Variants in PLPP4 observed in about 807,000 individuals in gnomAD.
PLPP4 encodes the protein diacylglycerol pyrophosphate like 2.
A neutral mutation model predicts 32.2 loss-of-function variants in PLPP4; 20 were observed. The ratio of observed to expected loss-of-function variants is 0.62; its 90% confidence interval spans 0.44 to 0.90. PLPP4 has a LOEUF of 0.90. Among genes scored for constraint, PLPP4 ranks in the 40% least tolerant of loss-of-function variants. The pLI, the probability that PLPP4 is intolerant of heterozygous loss-of-function variation, is 0.00. For missense variants in PLPP4, 257 were observed against 353.1 expected (o/e 0.73, Z 2.18); for synonymous variants, 127 against 133.0 (o/e 0.95, Z 0.31).
intron 5 of PLPP4, among the ~76,000 whole-genome samples, chr10:120,558,008 T>C (rs1340579755): frequency 2.0e-5 from 3 of 151,188 alleles, no homozygotes; most frequent in Non-Finnish European, 4.4e-5. Flanking sequence ...TTAAATATTA[T>C]ATTTACTATT....
intron 3 of PLPP4, among the ~76,000 whole-genome samples, chr10:120,514,644 C>A (rs750373819): frequency 6.6e-6 from 1 of 152,130 alleles, no homozygotes; most frequent in African/African-American, 2.4e-5. Flanking sequence ...GGATTAAATG[C>A]GTTTTTCTGG....
At chr10:120,497,750 T>C (rs1845036865) in intron 1 of PLPP4, among the ~76,000 whole-genome samples, 1 of 152,062 alleles carries the variant, frequency 6.6e-6, no homozygotes, top group South Asian at 2.1e-4. Flanking sequence ...TATATCAAGA[T>C]AACTGTCCGG....
intron 6 of PLPP4, chr10:120,581,043 G>C: frequency 7.8e-7 from 1 of 1,287,714 alleles, no homozygotes; most frequent in Non-Finnish European, 1.0e-6. Flanking sequence ...AGAAGCCTCA[G>C]CCCCTGGCTC....
chr10:120,531,674 T>C (rs1846729162), intron 5 of PLPP4, among the ~76,000 whole-genome samples: 1 of 152,172 alleles, frequency 6.6e-6, no homozygotes, highest in East Asian at 1.9e-4. Flanking sequence ...GCACCATTTG[T>C]TGAGATGACT....
At chr10:120,572,060 A>T (rs1364578839) in intron 5 of PLPP4, among the ~76,000 whole-genome samples, 1 of 152,188 alleles carries the variant, frequency 6.6e-6, no homozygotes, top group East Asian at 1.9e-4. Context: ...TGCCCACAGG[A>T]TCTAGGCCCT....
rs565482148 is a variant in PLPP4, at chr10:120,469,463, G to A, written c.56+12102G>A. On this transcript the variant is annotated intron_variant, in intron 1 of 6. Coordinates refer to ENST00000398250, the MANE Select transcript of PLPP4 (RefSeq NM_001030059.3). ...AGGATGGTCTTGATCTCCTGACCTC[G>A]TGATCCGCCCACCTGGGGCTCCTAA... is the stretch of plus-strand genomic sequence containing the variant. Among the ~76,000 whole-genome samples, 17 of 152,198 alleles carry A rather than the reference G, an allele frequency of 1.1e-4. No individual in the cohort carries two copies. In the South Asian group the frequency reaches 2.1e-3, roughly 19 times the overall value.
At chr10:120,516,355 C>T (rs1845935004) in intron 3 of PLPP4, among the ~76,000 whole-genome samples, 2 of 152,198 alleles carry the variant, frequency 1.3e-5, no homozygotes, top group Admixed American at 1.3e-4. Context: ...CCCTCATCTC[C>T]AGGTAAACAG....
intron 1 of PLPP4, 99 bp from the exon 2 acceptor site, chr10:120,503,719 G>A: frequency 6.3e-7 from 1 of 1,593,968 alleles, no homozygotes; most frequent in Non-Finnish European, 8.6e-7. Flanking sequence ...CAGCAGGCTG[G>A]ATTCCCACCC....
At chr10:120,575,323 G>C in intron 6 of PLPP4, 22 bp downstream of exon 6, 14 of 1,606,538 alleles carry the variant, frequency 8.7e-6, no homozygotes, top group Non-Finnish European at 1.2e-5. Flanking sequence ...CCCAGGGCCT[G>C]ACTAGTCCTC....
intron 5 of PLPP4, among the ~76,000 whole-genome samples, chr10:120,540,936 G>A (rs936730688): frequency 6.6e-6 from 1 of 152,182 alleles, no homozygotes; most frequent in African/African-American, 2.4e-5. Flanking sequence ...ACCTGTGGTG[G>A]AGAAGGAGCA....
intron 2 of PLPP4, among the ~76,000 whole-genome samples, chr10:120,505,687 A>G (rs962142649): frequency 6.6e-6 from 1 of 152,206 alleles, no homozygotes; most frequent in African/African-American, 2.4e-5. Flanking sequence ...AGTAAACTGG[A>G]TTTTTATAAA....
chr10:120,511,163 G>A (rs186179446), intron 2 of PLPP4, among the ~76,000 whole-genome samples: 3 of 152,288 alleles, frequency 2.0e-5, no homozygotes, highest in Non-Finnish European at 2.9e-5. Flanking sequence ...GGGAAGTGGG[G>A]GTGAGGGTCC....
chr10:120,491,999 T>A (rs1416748631), intron 1 of PLPP4, among the ~76,000 whole-genome samples: 1 of 152,236 alleles, frequency 6.6e-6, no homozygotes, highest in Non-Finnish European at 1.5e-5. Context: ...AATTTGTTTT[T>A]CATTTAGAAT....
At chr10:120,489,445 C>T (rs919773885) in intron 1 of PLPP4, among the ~76,000 whole-genome samples, 125 of 152,308 alleles carry the variant, frequency 8.2e-4, no homozygotes, top group Non-Finnish European at 1.6e-4. Flanking sequence ...ACTCCCCAGA[C>T]GAGCTAGCAG....
chr10:120,591,396 T>C lies in PLPP4; in HGVS notation c.*1894T>C, dbSNP rs528242847. On this transcript the variant is annotated 3_prime_UTR_variant, in exon 7 of 7. Transcript: ENST00000398250. ...ATCCAAAGTCAAGCCATTGATTTTT[T>C]AAAAATTATAGCAGTTACATTGGCA... 6.6e-5 allele frequency among the ~76,000 whole-genome samples: 10 copies of C among 152,302 alleles called. No homozygotes were observed. The East Asian group carries it at 1.3e-3, about 21-fold the overall frequency.
At chr10:120,491,578 A>G (rs1404988630) in intron 1 of PLPP4, among the ~76,000 whole-genome samples, 2 of 152,196 alleles carry the variant, frequency 1.3e-5, no homozygotes, top group African/African-American at 4.8e-5. Flanking sequence ...TTTCCCAATA[A>G]TAGGCTGTTT....
chr10:120,496,603 C>G (rs1844973306), intron 1 of PLPP4, among the ~76,000 whole-genome samples: 1 of 152,198 alleles, frequency 6.6e-6, no homozygotes, highest in Non-Finnish European at 1.5e-5. Flanking sequence ...ATTCCACGAT[C>G]TGTTGTGACC....
chr10:120,569,837 G>C (rs192955839), intron 5 of PLPP4, among the ~76,000 whole-genome samples: 4 of 152,158 alleles, frequency 2.6e-5, no homozygotes, highest in African/African-American at 4.8e-5. Context: ...CAGTGTGTTC[G>C]GTCCTAGAGC....
At position 120,520,911 on chromosome 10, in the gene PLPP4, C is replaced by T. The variant is rs1846123627; in HGVS notation, c.321-60C>T. ...GGCAGTGGGGAGTTGGGGGGGTCAG[C>T]TTGGGGTCATTTGTGATGGCAGCAT... On this transcript the variant is annotated intron_variant, in intron 4 of 6. Coordinates refer to ENST00000398250, the MANE Select transcript of PLPP4 (RefSeq NM_001030059.3). 16 of 1,602,276 alleles carry T rather than the reference C, an allele frequency of 1.0e-5. No individual in the cohort carries two copies. The South Asian group carries it at 1.6e-4, about 16-fold the overall frequency.
Sources: allele counts gnomAD v4.1 joint callset (sites outside exome capture counted in the v4.1 genomes callset), GRCh38; gene constraint gnomAD v4.1.1; transcripts MANE v1.5; gene names NCBI Gene and HGNC (gene_info 2026-07-23, HGNC 2026-07-21).